The following FN1 variants were observed in gnomAD, a reference collection of about 807,000 sequenced individuals.
The protein encoded by FN1 is fibronectin 1.
In FN1, 106 loss-of-function variants were observed where a neutral mutation model predicts 297.3. That is an observed-to-expected ratio of 0.36 (90% CI 0.30 to 0.42). The LOEUF is 0.42. FN1 is among the 10% of genes least tolerant of loss of function. The pLI is 1.00. For missense variants in FN1, 2,690 were observed against 3,124.9 expected (o/e 0.86, Z 3.32); for synonymous variants, 1,149 against 1,152.6 (o/e 1.00, Z 0.06).
At chr2:215,408,568 G>GATC in intron 15 of FN1, 142 bp from the exon 16 acceptor site, 1 of 799,506 alleles carries the variant, frequency 1.3e-6, no homozygotes, top group Non-Finnish European at 2.1e-6. Context: ...GCTAATCAGT[G>GATC]ATTATTATTA....
intron 28 of FN1, among the ~76,000 whole-genome samples, chr2:215,386,456 A>G (rs1404768746): frequency 4.0e-5 from 6 of 151,800 alleles, no homozygotes; most frequent in African/African-American, 1.5e-4. Context: ...TCTTGAGAGG[A>G]AAAAAATTAT....
intron 37 of FN1, 51 bp from the exon 38 acceptor site, chr2:215,375,444 TA>T (rs756998439): frequency 6.5e-7 from 1 of 1,541,718 alleles, no homozygotes; most frequent in South Asian, 1.1e-5. Flanking sequence ...CCAAGAAAAT[TA>T]CTCCCACACT....
intron 26 of FN1, among the ~76,000 whole-genome samples, chr2:215,389,110 T>C (rs1218491248): frequency 6.6e-6 from 1 of 152,132 alleles, no homozygotes; most frequent in African/African-American, 2.4e-5. Context: ...TTATTTTTAT[T>C]ATTTTTTCTT....
At chr2:215,433,281 A>G in intron 3 of FN1, 43 bp downstream of exon 3, 2 of 1,607,784 alleles carry the variant, frequency 1.2e-6, no homozygotes, top group Non-Finnish European at 1.7e-6. Flanking sequence ...AGAGAAATTC[A>G]TATTTGATAT....
At chr2:215,414,709 C>A in intron 13 of FN1, 128 bp downstream of exon 13, 12 of 1,474,364 alleles carry the variant, frequency 8.1e-6, no homozygotes, top group Non-Finnish European at 1.1e-5. Flanking sequence ...GTTCACTAAA[C>A]AAATATAGTA....
At chr2:215,422,744 T>A (rs2064635104) in intron 9 of FN1, among the ~76,000 whole-genome samples, 1 of 152,240 alleles carries the variant, frequency 6.6e-6, no homozygotes, top group South Asian at 2.1e-4. Flanking sequence ...CAGGCTCTTG[T>A]TTCTACAACT....
At chr2:215,375,180 A>G (rs1469791601) in intron 38 of FN1, 34 bp downstream of exon 38, 1 of 1,606,680 alleles carries the variant, frequency 6.2e-7, no homozygotes. Context: ...CCTAGGTAGT[A>G]AGAAGGAAAA....
intron 34 of FN1, 85 bp from the exon 35 acceptor site, chr2:215,378,347 T>C: frequency 2.6e-6 from 2 of 760,128 alleles, no homozygotes; most frequent in East Asian, 5.0e-5. Context: ...GTAAATGCAA[T>C]GGTTAGAAAA....
chr2:215,406,277 C>T lies in FN1; in HGVS notation c.2947G>A (p.Gly983Arg). ...GCAGTCAGAGGCTTGCTCTCCCTCC[C>T]ATGGCTCACTGCAAAGACTTTGAAG... is the stretch of plus-strand genomic sequence containing the variant. The part of the protein sequence containing the change: ...YYFKVFAVSH[G>R]RESKPLTAQQ... Residue 983 changes from glycine (G) to arginine (R), a missense_variant, in exon 19 of 46, where the codon GGG becomes AGG. Coordinates refer to ENST00000354785, the MANE Select transcript of FN1 (RefSeq NM_212482.4). 1 of 1,614,176 alleles carries T rather than the reference C, an allele frequency of 6.2e-7. No individual in the cohort carries two copies. Among genetic ancestry groups the T allele is most frequent in the Non-Finnish European group, 8.5e-7 (1 of 1,180,032 alleles).
intron 25 of FN1, chr2:215,392,348 T>C (rs557166239): frequency 7.2e-5 from 13 of 181,216 alleles, no homozygotes; most frequent in Non-Finnish European, 1.4e-4. Flanking sequence ...ACCTTTAAAA[T>C]GTTGCATGCT....
chr2:215,431,523 T>C lies in FN1; in HGVS notation c.547+310A>G, dbSNP rs550173776. 2.7e-4 allele frequency among the ~76,000 whole-genome samples: 41 copies of C among 152,290 alleles called. 1 individual carries two copies. Among genetic ancestry groups the C allele is most frequent in the African/African-American group, 9.9e-4 (41 of 41,554 alleles). ...TCATTTTTTTTTCTTTTAAATAAATTATATCTTGACGAAGGAGGAATCTGA... is the reference window on the plus strand; with the variant it reads ...TCATTTTTTTTTCTTTTAAATAAATCATATCTTGACGAAGGAGGAATCTGA... On this transcript the variant is annotated intron_variant, in intron 4 of 45. Coordinates refer to ENST00000354785, the MANE Select transcript of FN1 (RefSeq NM_212482.4).
chr2:215,362,283 C>G, intron 44 of FN1: 3 of 586,830 alleles, frequency 5.1e-6, no homozygotes, highest in South Asian at 3.8e-5. Flanking sequence ...ATACCTACAT[C>G]TGTCTCTCTA....
In FN1 at chr2:215,424,139, C is replaced by A; in HGVS notation, c.1216+7G>T. ...TCACTTCTGTGGCTCCCCCTTGGGA[C>A]ACTCACCAGTGTGGTCTGTGCAGAA... On this transcript the variant is annotated splice_region_variant and intron_variant, in intron 8 of 45. Transcript: ENST00000354785. 6.2e-7 allele frequency: 1 copy of A among 1,613,862 alleles called. No individual in the cohort carries two copies. Among genetic ancestry groups the A allele is most frequent in the Non-Finnish European group, 8.5e-7 (1 of 1,179,774 alleles).
At chr2:215,419,177 T>A (rs1233008142) in intron 12 of FN1, 65 bp downstream of exon 12, 3 of 1,447,718 alleles carry the variant, frequency 2.1e-6, no homozygotes, top group East Asian at 2.3e-5. Flanking sequence ...AGAGCATTAA[T>A]AATCACTGCC....
chr2:215,431,573 G>A (rs1040468779), intron 4 of FN1, among the ~76,000 whole-genome samples: 1 of 152,134 alleles, frequency 6.6e-6, no homozygotes, highest in Non-Finnish European at 1.5e-5. Context: ...TAAAAGAAAT[G>A]ACTCCATTCT....
chr2:215,379,595 C>T, intron 33 of FN1: 2 of 303,998 alleles, frequency 6.6e-6, no homozygotes, highest in Non-Finnish European at 1.2e-5. Context: ...ACAAGTTTTG[C>T]TTTCCCTTAA....
At chr2:215,386,622 T>A in intron 28 of FN1, 67 bp downstream of exon 28, 2 of 884,112 alleles carry the variant, frequency 2.3e-6, no homozygotes, top group East Asian at 3.7e-5. Context: ...AACAGCAAGC[T>A]ACTTTACAGA....
chr2:215,376,810 C>A, intron 35 of FN1, 136 bp from the exon 36 acceptor site: 1 of 727,666 alleles, frequency 1.4e-6, no homozygotes, highest in Non-Finnish European at 2.3e-6. Context: ...TGTAGATTAT[C>A]TCCTTTGGCA....
chr2:215,401,902 G>A (rs1046050034), intron 20 of FN1, among the ~76,000 whole-genome samples: 16 of 150,224 alleles, frequency 1.1e-4, no homozygotes, highest in African/African-American at 3.4e-4. Context: ...TTAGTGGGCT[G>A]TTTCATCTAT....
Sources: gnomAD v4.1 joint callset for allele counts (sites outside exome capture counted in the v4.1 genomes callset) on GRCh38, gnomAD v4.1.1 for gene constraint, MANE v1.5 for transcripts, NCBI Gene and HGNC (gene_info 2026-07-23, HGNC 2026-07-21) for gene names.